The following RAPGEF2 variants were observed in gnomAD, a reference collection of about 807,000 sequenced individuals.
The protein encoded by RAPGEF2 is Rap guanine nucleotide exchange factor 2, also known as PDZ domain containing guanine nucleotide exchange factor (GEF) 1.
A neutral mutation model predicts 186.7 loss-of-function variants in RAPGEF2; 54 were observed. That is an observed-to-expected ratio of 0.29 (90% CI 0.23 to 0.36). The LOEUF (loss-of-function observed/expected upper bound fraction) is 0.36. Among genes scored for constraint, RAPGEF2 ranks in the 10% least tolerant of loss-of-function variants. The probability of loss-of-function intolerance (pLI) is 1.00; values close to 1 mark genes in which losing one functional copy is unlikely to be tolerated. For synonymous variants in RAPGEF2, 712 were observed against 705.9 expected (o/e 1.01, Z -0.14); for missense variants, 1,532 against 2,045.0 (o/e 0.75, Z 4.84).
At chr4:159,283,637 A>G (rs1420259868) in intron 7 of RAPGEF2, among the ~76,000 whole-genome samples, 1 of 152,364 alleles carries the variant, frequency 6.6e-6, no homozygotes, top group East Asian at 1.9e-4. Context: ...GGGCATCTGT[A>G]TGAAGATGTG....
chr4:159,309,014 C>T (rs1327181548), intron 8 of RAPGEF2, among the ~76,000 whole-genome samples: 1 of 152,146 alleles, frequency 6.6e-6, no homozygotes, highest in Non-Finnish European at 1.5e-5. Context: ...TCCCTCTGCT[C>T]TGTTAAGTAG....
At chr4:159,163,326 A>C (rs1451751131) in intron 1 of RAPGEF2, among the ~76,000 whole-genome samples, 1 of 152,216 alleles carries the variant, frequency 6.6e-6, no homozygotes, top group Non-Finnish European at 1.5e-5. Flanking sequence ...ATAATGAGAG[A>C]TGATCATGGA....
At chr4:159,308,142 G>T (rs1763529188) in intron 8 of RAPGEF2, among the ~76,000 whole-genome samples, 1 of 152,170 alleles carries the variant, frequency 6.6e-6, no homozygotes. Context: ...GTGTGGATGA[G>T]AGTTCCTAAT....
intron 1 of RAPGEF2, among the ~76,000 whole-genome samples, chr4:159,169,242 G>GA (rs11284305): frequency 2.0e-5 from 3 of 151,626 alleles, no homozygotes; most frequent in Admixed American, 6.6e-5. Flanking sequence ...TTTGTATTAG[G>GA]AAAAAAAATG....
intron 1 of RAPGEF2, among the ~76,000 whole-genome samples, chr4:159,180,715 C>T (rs1260647915): frequency 1.3e-5 from 2 of 152,078 alleles, no homozygotes; most frequent in South Asian, 2.1e-4. Context: ...AATAATGACA[C>T]GTTTGAAAGT....
At chr4:159,315,694 C>T (rs1205548045) in intron 9 of RAPGEF2, among the ~76,000 whole-genome samples, 3 of 152,132 alleles carry the variant, frequency 2.0e-5, no homozygotes, top group Non-Finnish European at 4.4e-5. Flanking sequence ...GGACAGGGGG[C>T]CCTTCCCTGC....
chr4:159,140,892 C>T lies in RAPGEF2; in HGVS notation c.69+36661C>T, dbSNP rs184439772. Among the ~76,000 whole-genome samples the T allele has an allele frequency of 2.8e-3, 420 of 150,926 alleles. 2 individuals are homozygous for T. The highest frequency in any genetic ancestry group is 9.5e-3 in the African/African-American group (391 of 41,028). ...TGTCGCCCAGGCTGGAGTGTAGTGG[C>T]GCGATCTCAGCTCACTGCAACCTCT... On this transcript the variant is annotated intron_variant, in intron 1 of 29. Coordinates refer to ENST00000691494, the MANE Select transcript of RAPGEF2 (RefSeq NM_001394067.2).
intron 7 of RAPGEF2, among the ~76,000 whole-genome samples, chr4:159,273,674 CTTTCTTTCTTTCTT>C: frequency 6.8e-6 from 1 of 148,130 alleles, no homozygotes; most frequent in East Asian, 2.0e-4. Context: ...TTCTTTCTTT[CTTTCTTTCTTTCTT>C]TCTTTCTTTC....
chr4:159,105,982 G>T (rs1035353345), intron 1 of RAPGEF2, among the ~76,000 whole-genome samples: 5 of 152,154 alleles, frequency 3.3e-5, no homozygotes, highest in African/African-American at 1.2e-4. Flanking sequence ...TGGGGGGCGG[G>T]TCACCAAACA....
At chr4:159,311,208 T>A (rs191884754) in intron 8 of RAPGEF2, among the ~76,000 whole-genome samples, 16 of 152,282 alleles carry the variant, frequency 1.1e-4, no homozygotes, top group African/African-American at 3.6e-4. Context: ...TTTTAAAACA[T>A]CAACTTTAGT....
intron 1 of RAPGEF2, among the ~76,000 whole-genome samples, chr4:159,106,565 TATC>T (rs1057268317): frequency 3.3e-5 from 5 of 152,232 alleles, no homozygotes; most frequent in Admixed American, 1.3e-4. Context: ...ATAAGCTTGA[TATC>T]ATGAACAGAA....
At chr4:159,272,011 C>T (rs1054733617) in intron 7 of RAPGEF2, among the ~76,000 whole-genome samples, 11 of 152,092 alleles carry the variant, frequency 7.2e-5, no homozygotes, top group East Asian at 3.9e-4. Context: ...TTTAAACATA[C>T]GCTCCATGTC....
intron 2 of RAPGEF2, among the ~76,000 whole-genome samples, chr4:159,187,333 C>A (rs1319432688): frequency 1.3e-5 from 2 of 151,860 alleles, no homozygotes; most frequent in African/African-American, 4.8e-5. Flanking sequence ...CTCCCCATCC[C>A]CCTCCACTTC....
chr4:159,195,975 A>T (rs947763462), intron 3 of RAPGEF2, among the ~76,000 whole-genome samples: 15 of 142,586 alleles, frequency 1.1e-4, no homozygotes, highest in African/African-American at 3.4e-4. Context: ...TATTTTAGGT[A>T]ATCTTAAATT....
intron 1 of RAPGEF2, among the ~76,000 whole-genome samples, chr4:159,144,035 C>T (rs910488734): frequency 2.0e-5 from 3 of 152,148 alleles, no homozygotes; most frequent in African/African-American, 7.2e-5. Flanking sequence ...ATATGTCTGA[C>T]ATAGGAACAG....
chr4:159,355,879 C>T lies in RAPGEF2; in HGVS notation c.4678C>T (p.Pro1560Ser). Residue 1560 changes from proline (P) to serine (S), a missense_variant, in exon 29 of 30, where the codon CCC becomes TCC. By Grantham distance (74) the Pro-to-Ser change is moderately conservative (BLOSUM62 -1). Transcript: ENST00000691494. ...ACGAAAGGAGGGCAGGTATCGAGAG[C>T]CCCCGCCCACCCCTCCCGGCTACAT... ...IARKEGRYRE[P>S]PPTPPGYIGI... The T allele has an allele frequency of 6.6e-7, 1 of 1,525,660 alleles. No homozygotes were observed. Among genetic ancestry groups the T allele is most frequent in the South Asian group, 1.2e-5 (1 of 83,530 alleles). 94.5% of individuals were successfully genotyped at this position (1,525,660 alleles called of 1,614,324 possible). A position where few individuals can be genotyped will look rare whatever the true frequency, so the allele number is the denominator to read the frequency against.
chr4:159,313,856 G>A (rs1050186581), intron 8 of RAPGEF2, among the ~76,000 whole-genome samples: 3 of 152,018 alleles, frequency 2.0e-5, no homozygotes, highest in Non-Finnish European at 4.4e-5. Context: ...AAGGCTACAT[G>A]GTGACCTAGA....
chr4:159,339,800 C>T (rs1767972255), intron 19 of RAPGEF2, among the ~76,000 whole-genome samples: 1 of 152,176 alleles, frequency 6.6e-6, no homozygotes, highest in African/African-American at 2.4e-5. Context: ...TTTCTAGGAG[C>T]TTCCTTAGTT....
chr4:159,115,053 T>C (rs1738893482), intron 1 of RAPGEF2, among the ~76,000 whole-genome samples: 1 of 152,142 alleles, frequency 6.6e-6, no homozygotes, highest in African/African-American at 2.4e-5. Flanking sequence ...CTACACATTT[T>C]CCCCCTTGTA....
Sources: allele counts gnomAD v4.1 joint callset (sites outside exome capture counted in the v4.1 genomes callset), GRCh38; gene constraint gnomAD v4.1.1; transcripts MANE v1.5; gene names NCBI Gene and HGNC (gene_info 2026-07-23, HGNC 2026-07-21).